Variants in TMEM184A observed in about 807,000 individuals in gnomAD.
TMEM184A encodes the protein transmembrane protein 184A.
Under a neutral mutation model 39.5 loss-of-function variants are expected in TMEM184A, and 40 were observed. The ratio of observed to expected loss-of-function variants is 1.01; its 90% CI spans 0.79 to 1.32. TMEM184A has a LOEUF of 1.32. TMEM184A is among the 40% of genes most tolerant of loss of function. The pLI is 0.00. For synonymous variants in TMEM184A, 280 were observed against 252.3 expected, an observed-to-expected ratio of 1.11 and a Z score of -1.04; for missense variants, 603 against 568.8, an observed-to-expected ratio of 1.06 and a Z score of -0.61.
chr7:1,550,939 CGTT>C lies in TMEM184A; in HGVS notation c.260_262del (p.Gln87del), dbSNP rs1205170708. ...GATGAGGAGCAGGCGGATGATGTAACGTTGCTCCTGTGGCACGGTGTAGGAGCG... is the reference window on the plus strand; with the variant it reads ...GATGAGGAGCAGGCGGATGATGTAACGCTCCTGTGGCACGGTGTAGGAGCG... On this transcript the variant is annotated inframe_deletion, in exon 3 of 9. Coordinates refer to ENST00000297477, the MANE Select transcript of TMEM184A (RefSeq NM_001097620.2). 6.2e-7 allele frequency: 1 copy of C among 1,613,498 alleles called. No individual in the cohort carries two copies. Among genetic ancestry groups the C allele is most frequent in the Non-Finnish European group, 8.5e-7 (1 of 1,179,924 alleles).
chr7:1,550,378 A>T lies in TMEM184A; in HGVS notation c.403T>A (p.Phe135Ile), dbSNP rs1784542173. 1 of 1,612,402 alleles carries T rather than the reference A, an allele frequency of 6.2e-7. No individual in the cohort carries two copies. Among genetic ancestry groups the T allele is most frequent in the South Asian group, 1.1e-5 (1 of 90,994 alleles). ...DCYEAFVIYS[F>I]LSLCFQYLGG... is the part of the protein sequence containing the mutation. ...AGGTACTGGAAACACAGGCTCAGGA[A>T]GCTGTAAATGACAAAGGCTGCAGGG... Residue 135 changes from phenylalanine (F) to isoleucine (I), a missense_variant, in exon 4 of 9, where the codon TTC becomes ATC. Transcript: ENST00000297477.
Position 1,547,944 on chromosome 7 carries a change from G to C in TMEM184A, c.815-5C>G. The C allele has an allele frequency of 3.2e-6, 5 of 1,560,824 alleles. No homozygotes were observed. Among genetic ancestry groups the C allele is most frequent in the Non-Finnish European group, 4.3e-6 (5 of 1,154,544 alleles). ...CCAGGATGGCCAGCAGCAGCCCTGC[G>C]GACGCCACGGCCGCTCAGCCCCAGC... On this transcript the variant is annotated splice_region_variant and splice_polypyrimidine_tract_variant and intron_variant, in intron 7 of 8. Transcript: ENST00000297477.
chr7:1,549,042 CTG>C (rs1562557354), intron 6 of TMEM184A: 3 of 513,858 alleles, frequency 5.8e-6, no homozygotes, highest in Non-Finnish European at 1.1e-5. Context: ...TGAAGATCCT[CTG>C]TGTGGTGGAC....
chr7:1,547,211 A>T (rs1453426055), intron 8 of TMEM184A, 30 bp from the exon 9 acceptor site: 3 of 1,318,890 alleles, frequency 2.3e-6, no homozygotes, highest in Admixed American at 1.8e-5. Context: ...GAGCCCCACC[A>T]TCCCCCCTGC....
intron 2 of TMEM184A, among the ~76,000 whole-genome samples, chr7:1,552,683 GC>G (rs1784649666): frequency 6.6e-6 from 1 of 152,058 alleles, no homozygotes; most frequent in Non-Finnish European, 1.5e-5. Context: ...CCTGGGCTGG[GC>G]AGACTCTCAG....
chr7:1,548,826 G>T, intron 6 of TMEM184A, 138 bp from the exon 7 acceptor site: 1 of 1,030,622 alleles, frequency 9.7e-7, no homozygotes, highest in Non-Finnish European at 1.5e-6. Context: ...ATCCTGCCCC[G>T]ATCTGATCCT....
chr7:1,552,850 T>C (rs910542410), intron 2 of TMEM184A, among the ~76,000 whole-genome samples: 20 of 152,070 alleles, frequency 1.3e-4, no homozygotes, highest in Admixed American at 3.3e-4. Context: ...AGCTCAGGAG[T>C]TCGAGACCGG....
intron 8 of TMEM184A, 99 bp downstream of exon 8, chr7:1,547,643 A>AG: frequency 7.7e-7 from 1 of 1,297,976 alleles, no homozygotes; most frequent in Non-Finnish European, 1.1e-6. Flanking sequence ...CTGCCCAGCG[A>AG]GCTGGCATTC....
Position 1,550,725 on chromosome 7 carries a change from C to T in TMEM184A, c.385+92G>A, listed in dbSNP as rs1784555652. On this transcript the variant is annotated intron_variant, in intron 3 of 8. Transcript: ENST00000297477. ...CTGACGGGCCGGGAGAGTGGGGTGC[C>T]CTGGGGACTGGCCATGGAAGAGTGT... is the stretch of plus-strand genomic sequence containing the variant. 6.0e-6 allele frequency: 9 copies of T among 1,501,572 alleles called. No individual in the cohort carries two copies. The Middle Eastern group carries it at 6.4e-4, about 107-fold the overall frequency. 93.0% of individuals were successfully genotyped at this position (1,501,572 alleles called of 1,614,324 possible).
At chr7:1,547,623 G>T in intron 8 of TMEM184A, 119 bp downstream of exon 8, 6 of 1,103,804 alleles carry the variant, frequency 5.4e-6, no homozygotes, top group Non-Finnish European at 8.0e-6. Context: ...GATGCCCTTT[G>T]CCCGTCTCCC....
rs1339400788 is a variant in TMEM184A, at chr7:1,543,535, C to G, written c.*3417G>C. On this transcript the variant is annotated 3_prime_UTR_variant, in exon 9 of 9. Transcript: ENST00000297477. ...CTCCGAAAAGCCACGGGCCTGCCCG[C>G]ATGCCGTCCCCACCCCGCCCGGCCT... 6.6e-6 allele frequency: 1 copy of G among 152,548 alleles called. No homozygotes were observed. Among genetic ancestry groups the G allele is most frequent in the African/African-American group, 2.4e-5 (1 of 41,594 alleles). The allele number at this position is 152,548 out of a possible 1,614,324, so 9.4% of individuals were successfully genotyped here. A position where few individuals can be genotyped will look rare whatever the true frequency, so the allele number is the denominator to read the frequency against.
At chr7:1,548,395 C>T (rs1784432361) in intron 7 of TMEM184A, 124 bp downstream of exon 7, 1 of 1,175,320 alleles carries the variant, frequency 8.5e-7, no homozygotes, top group Admixed American at 2.5e-5. Flanking sequence ...TTCCAGCTGA[C>T]CTGTGCTGCA....
At chr7:1,549,815 C>A (rs1425257598) in intron 6 of TMEM184A, 39 bp downstream of exon 6, 12 of 1,546,022 alleles carry the variant, frequency 7.8e-6, no homozygotes, top group Non-Finnish European at 9.6e-6. Context: ...GGACCCAGTG[C>A]CCACCTCATG....
Position 1,550,955 on chromosome 7 carries a change from C to A in TMEM184A, c.247G>T (p.Val83Leu), listed in dbSNP as rs140383367. The change falls in exon 3 of 9, where the codon GTG becomes TTG. Residue 83 changes from valine to leucine, a missense_variant. Physicochemically the swap from Val to Leu is conservative, Grantham distance 32 (BLOSUM62 1). Coordinates refer to ENST00000297477, the MANE Select transcript of TMEM184A (RefSeq NM_001097620.2). The part of the protein sequence containing the change: ...QIYLHLRSYT[V>L]PQEQRYIIRL... Reference sequence around the variant, plus strand: ...ATGATGTAACGTTGCTCCTGTGGCACGGTGTAGGAGCGCAGGTGCAGATAG... The same window carrying A: ...ATGATGTAACGTTGCTCCTGTGGCAAGGTGTAGGAGCGCAGGTGCAGATAG... 1,575 of 1,611,314 alleles carry A rather than the reference C, an allele frequency of 9.8e-4. 11 individuals are homozygous for A. The African/African-American group carries it at 0.019, about 19-fold the overall frequency.
At chr7:1,549,217 T>A (rs768681014) in intron 6 of TMEM184A, 16 of 448,968 alleles carry the variant, frequency 3.6e-5, no homozygotes, top group Non-Finnish European at 5.3e-5. Flanking sequence ...GCTGTGTGCA[T>A]GTGTGAACAT....
At position 1,550,978 on chromosome 7, in the gene TMEM184A, T is replaced by C. The variant is rs763462861; in HGVS notation, c.224A>G (p.Tyr75Cys). ...CACGGTGTAGGAGCGCAGGTGCAGATAGATCTGGGCGCAGGAGGGGTCGCA... is the reference window on the plus strand; with the variant it reads ...CACGGTGTAGGAGCGCAGGTGCAGACAGATCTGGGCGCAGGAGGGGTCGCA... ...TALVLTCHQI[Y>C]LHLRSYTVPQ... is the part of the protein sequence containing the mutation. The change falls in exon 3 of 9, where the codon TAT becomes TGT. Residue 75 changes from tyrosine (Y) to cysteine (C), a missense_variant. By Grantham distance (194) the Tyr-to-Cys change is radical. Transcript: ENST00000297477. The C allele has an allele frequency of 1.4e-5, 22 of 1,611,714 alleles. No individual in the cohort carries two copies. The highest frequency in any genetic ancestry group is 3.3e-5 in the South Asian group (3 of 90,952).
At chr7:1,549,652 AGCCGGACGCCAGGCCT>A (rs1390224601) in intron 6 of TMEM184A, 186 bp downstream of exon 6, 3 of 685,030 alleles carry the variant, frequency 4.4e-6, no homozygotes, top group Non-Finnish European at 8.2e-6. Flanking sequence ...CCCCTAGCCC[AGCCGGACGCCAGGCCT>A]GCCTTGTTGG....
At chr7:1,549,661 C>T in intron 6 of TMEM184A, 193 bp downstream of exon 6, 1 of 699,786 alleles carries the variant, frequency 1.4e-6, no homozygotes, top group Non-Finnish European at 2.6e-6. Flanking sequence ...CAGCCGGACG[C>T]CAGGCCTGCC....
intron 4 of TMEM184A, 33 bp downstream of exon 4, chr7:1,550,272 T>G: frequency 6.2e-7 from 1 of 1,609,770 alleles, no homozygotes; most frequent in Non-Finnish European, 8.5e-7. Flanking sequence ...CCCAGGTGTG[T>G]GGGGTGTGGG....
Sources: gnomAD v4.1 joint callset for allele counts (sites outside exome capture counted in the v4.1 genomes callset) on GRCh38, gnomAD v4.1.1 for gene constraint, MANE v1.5 for transcripts, NCBI Gene and HGNC (gene_info 2026-07-23, HGNC 2026-07-21) for gene names.